The following SLC30A4 variants were observed in gnomAD, a reference collection of about 807,000 sequenced individuals.
SLC30A4 encodes solute carrier family 30 member 4.
A neutral mutation model predicts 41.7 loss-of-function variants in SLC30A4; 20 were observed. The observed-to-expected ratio is 0.48, with a 90% confidence interval of 0.34 to 0.70. The LOEUF is 0.70. SLC30A4 is among the 30% of genes least tolerant of loss of function. The pLI is 0.01. For missense variants in SLC30A4, 441 were observed against 529.3 expected (o/e 0.83, Z 1.64); for synonymous variants, 181 against 195.9 (o/e 0.92, Z 0.64).
At chr15:45,518,134 A>G (rs1204717476) in intron 2 of SLC30A4, among the ~76,000 whole-genome samples, 1 of 152,176 alleles carries the variant, frequency 6.6e-6, no homozygotes, top group Non-Finnish European at 1.5e-5. Flanking sequence ...GAAGAATTGA[A>G]GGCTTTAGGA....
intron 2 of SLC30A4, among the ~76,000 whole-genome samples, chr15:45,513,112 C>A (rs903412104): frequency 6.7e-6 from 1 of 150,020 alleles, no homozygotes; most frequent in African/African-American, 2.5e-5. Flanking sequence ...CCAGACTGGG[C>A]AACATGGTGA....
chr15:45,481,072 T>A lies in SLC30A4; in HGVS notation c.*4091A>T, dbSNP rs565543928. On this transcript the variant is annotated 3_prime_UTR_variant, in exon 8 of 8. Transcript: ENST00000261867. The stretch of plus-strand genomic sequence containing the variant: ...TCTTGACTATGTCTATTCTGGAAAG[T>A]CTATGAAAGACAAACACTGTCAGGT... 2 of 152,208 alleles carry A rather than the reference T, an allele frequency of 1.3e-5. No individual in the cohort carries two copies. The highest frequency in any genetic ancestry group is 1.5e-5 in the Non-Finnish European group (1 of 68,038). The allele number at this position is 152,208 out of a possible 1,614,324, so 9.4% of individuals were successfully genotyped here. A position where few individuals can be genotyped will look rare whatever the true frequency, so the allele number is the denominator to read the frequency against.
chr15:45,493,351 A>G (rs1182318087), intron 3 of SLC30A4, among the ~76,000 whole-genome samples: 5 of 152,228 alleles, frequency 3.3e-5, no homozygotes, highest in African/African-American at 4.8e-5. Flanking sequence ...CCTGACACTA[A>G]TCCTGTAAGT....
At chr15:45,488,654 C>T (rs62025210) in intron 5 of SLC30A4, among the ~76,000 whole-genome samples, 187 bp downstream of exon 5, 1 of 152,112 alleles carries the variant, frequency 6.6e-6, no homozygotes, top group East Asian at 1.9e-4. Context: ...AGATAAGTTA[C>T]CCTGTGACGT....
At chr15:45,504,999 G>A (rs183490092) in intron 3 of SLC30A4, among the ~76,000 whole-genome samples, 14 of 152,194 alleles carry the variant, frequency 9.2e-5, no homozygotes, top group Admixed American at 9.2e-4. Flanking sequence ...GGGAGGCTGC[G>A]GTGGGAGGAT....
intron 3 of SLC30A4, among the ~76,000 whole-genome samples, chr15:45,508,187 T>C (rs1892199824): frequency 6.6e-6 from 1 of 151,892 alleles, no homozygotes; most frequent in African/African-American, 2.4e-5. Context: ...TTAGGATGAG[T>C]AGGTGGAGAA....
intron 3 of SLC30A4, among the ~76,000 whole-genome samples, chr15:45,494,132 T>C (rs1891862920): frequency 6.6e-6 from 1 of 151,934 alleles, no homozygotes; most frequent in South Asian, 2.1e-4. Context: ...CTTAGGAGAG[T>C]AGTTCACATT....
At chr15:45,507,404 T>C (rs887613175) in intron 3 of SLC30A4, among the ~76,000 whole-genome samples, 1 of 151,552 alleles carries the variant, frequency 6.6e-6, no homozygotes, top group African/African-American at 2.4e-5. Flanking sequence ...ATTTCTTGTA[T>C]TTATTTTTCC....
At chr15:45,504,969 G>A (rs148240950) in intron 3 of SLC30A4, among the ~76,000 whole-genome samples, 7 of 152,162 alleles carry the variant, frequency 4.6e-5, no homozygotes, top group African/African-American at 1.2e-4. Context: ...GGTGGCTCAC[G>A]CCTGTAATCC....
At chr15:45,516,407 T>A (rs954485881) in intron 2 of SLC30A4, among the ~76,000 whole-genome samples, 1 of 152,214 alleles carries the variant, frequency 6.6e-6, no homozygotes, top group African/African-American at 2.4e-5. Context: ...ACTGTGATGG[T>A]TCTCAGCCTT....
At chr15:45,514,857 T>A (rs765789459) in intron 2 of SLC30A4, among the ~76,000 whole-genome samples, 2 of 152,090 alleles carry the variant, frequency 1.3e-5, no homozygotes, top group Non-Finnish European at 2.9e-5. Flanking sequence ...TACATCTTTT[T>A]GCTCAACTCT....
At chr15:45,505,252 AAAAG>A (rs1242950307) in intron 3 of SLC30A4, among the ~76,000 whole-genome samples, 10 of 151,382 alleles carry the variant, frequency 6.6e-5, no homozygotes, top group Middle Eastern at 3.4e-3. Context: ...AAAAAAAAAA[AAAAG>A]AAAGAAAAGA....
intron 7 of SLC30A4, 141 bp downstream of exon 7, chr15:45,486,470 G>T: frequency 1.4e-6 from 1 of 730,948 alleles, no homozygotes; most frequent in Non-Finnish European, 2.1e-6. Context: ...AAAAGCCTTT[G>T]TTTTTTAAAG....
chr15:45,491,782 T>C (rs560152582), intron 3 of SLC30A4, among the ~76,000 whole-genome samples: 13 of 152,104 alleles, frequency 8.5e-5, no homozygotes, highest in African/African-American at 3.1e-4. Flanking sequence ...GGTGGGAGAA[T>C]TGTTTAAACC....
At chr15:45,507,687 C>T (rs1892191208) in intron 3 of SLC30A4, among the ~76,000 whole-genome samples, 1 of 151,872 alleles carries the variant, frequency 6.6e-6, no homozygotes, top group Non-Finnish European at 1.5e-5. Flanking sequence ...AGGGTTTCAC[C>T]ATGTTGGCTA....
In SLC30A4 at chr15:45,489,012, G is replaced by C; in HGVS notation, c.723C>G (p.His241Gln). 1 of 1,613,866 alleles carries C rather than the reference G, an allele frequency of 6.2e-7. No homozygotes were observed. The highest frequency in any genetic ancestry group is 8.5e-7 in the Non-Finnish European group (1 of 1,179,804). Residue 241 changes from histidine to glutamine, a missense_variant, in exon 5 of 8, where the codon CAC becomes CAG. By Grantham distance (24) the His-to-Gln change is conservative. Around this residue, in one of 3 missense-constraint regions of SLC30A4, gnomAD observed 312 missense variants for 341.9 expected, o/e 0.91. Transcript: ENST00000261867. Reference sequence around the variant, plus strand: ...GCAGGGAGTGGGAATGGGAGTGACGGTGACCAGACTGGTTCAACAGAAACC... The same window carrying C: ...GCAGGGAGTGGGAATGGGAGTGACGCTGACCAGACTGGTTCAACAGAAACC... ...IMGFLLNQSGHRHSHSHSLPS... is the reference protein window; with the variant it reads ...IMGFLLNQSGQRHSHSHSLPS...
chr15:45,492,886 T>C (rs1239358270), intron 3 of SLC30A4, among the ~76,000 whole-genome samples: 1 of 152,184 alleles, frequency 6.6e-6, no homozygotes, highest in African/African-American at 2.4e-5. Context: ...TATATATGCT[T>C]TTGTACCATT....
intron 3 of SLC30A4, among the ~76,000 whole-genome samples, chr15:45,493,624 G>A (rs1232960024): frequency 1.3e-5 from 2 of 152,052 alleles, no homozygotes; most frequent in African/African-American, 2.4e-5. Flanking sequence ...TCAGGAGTTC[G>A]AGACCAGCCT....
rs1455591297 is a variant in SLC30A4 at position 45,483,180 on chromosome 15, T to C, written c.*1983A>G. On this transcript the variant is annotated 3_prime_UTR_variant, in exon 8 of 8. Coordinates refer to ENST00000261867, the MANE Select transcript of SLC30A4 (RefSeq NM_013309.6). The stretch of plus-strand genomic sequence containing the variant: ...ACACCATTAACTCCCAACAATCTTA[T>C]AGGTAAATCTGGGTTTTCTTATCTT... The C allele has an allele frequency of 6.6e-6, 1 of 152,214 alleles. No individual in the cohort carries two copies. Among genetic ancestry groups the C allele is most frequent in the Non-Finnish European group, 1.5e-5 (1 of 68,032 alleles). The allele number at this position is 152,214 out of a possible 1,614,324, so 9.4% of individuals were successfully genotyped here.
Sources: allele counts gnomAD v4.1 joint callset (sites outside exome capture counted in the v4.1 genomes callset), GRCh38; gene constraint gnomAD v4.1.1; regional missense constraint gnomAD v4.1.1; transcripts MANE v1.5; gene names NCBI Gene and HGNC (gene_info 2026-07-23, HGNC 2026-07-21).